Variants in PTPRD observed in about 807,000 individuals in gnomAD.
PTPRD encodes the protein protein tyrosine phosphatase receptor type D.
Under a neutral mutation model 214.5 loss-of-function variants are expected in PTPRD, and 34 were observed. That is an observed-to-expected ratio of 0.16 (90% CI 0.12 to 0.21). PTPRD has a LOEUF of 0.21. Ranked by LOEUF, PTPRD falls within the 10% of genes least tolerant of loss-of-function variation. The probability of loss-of-function intolerance (pLI) is 1.00; values close to 1 mark genes in which losing one functional copy is unlikely to be tolerated. For missense variants in PTPRD, 2,545 were observed against 2,398.7 expected (o/e 1.06, Z -1.27); for synonymous variants, 1,128 against 845.7 (o/e 1.33, Z -5.79).
chr9:10,037,849 T>C (rs1015059476), intron 3 of PTPRD, among the ~76,000 whole-genome samples: 1 of 152,140 alleles, frequency 6.6e-6, no homozygotes, highest in African/African-American at 2.4e-5. Context: ...GAAAGAAAAA[T>C]GAAACAAATG....
chr9:9,765,258 T>G (rs552573446), intron 6 of PTPRD, among the ~76,000 whole-genome samples: 1 of 152,324 alleles, frequency 6.6e-6, no homozygotes, highest in Admixed American at 6.5e-5. Flanking sequence ...TTCTTCCATA[T>G]GAGTAACACT....
intron 3 of PTPRD, among the ~76,000 whole-genome samples, chr9:10,247,267 C>T (rs1235668374): frequency 2.0e-5 from 3 of 152,112 alleles, no homozygotes; most frequent in Admixed American, 6.6e-5. Context: ...GACTTCATGA[C>T]ATTGCAACTT....
At chr9:9,332,546 A>T (rs2042716754) in intron 9 of PTPRD, among the ~76,000 whole-genome samples, 1 of 149,094 alleles carries the variant, frequency 6.7e-6, no homozygotes, top group African/African-American at 2.5e-5. Flanking sequence ...TATGTTGGAG[A>T]TGAAAACAAA....
At chr9:10,509,282 C>T (rs1387663366) in intron 2 of PTPRD, among the ~76,000 whole-genome samples, 1 of 151,668 alleles carries the variant, frequency 6.6e-6, no homozygotes, top group Admixed American at 6.6e-5. Flanking sequence ...TGAGGTTCCT[C>T]TGTGTAGTAA....
intron 9 of PTPRD, among the ~76,000 whole-genome samples, chr9:9,352,327 A>ATATGTGTG (rs1555280411): frequency 1.0e-4 from 7 of 68,382 alleles, no homozygotes; most frequent in African/African-American, 3.1e-4. Context: ...ATATATATAT[A>ATATGTGTG]TGTGTGTGTG....
chr9:8,658,712 CCTT>C (rs991401650), intron 12 of PTPRD, among the ~76,000 whole-genome samples: 1 of 150,860 alleles, frequency 6.6e-6, no homozygotes, highest in African/African-American at 2.4e-5. Flanking sequence ...CAGAAATTCT[CCTT>C]TTTTTGTCCT....
intron 2 of PTPRD, among the ~76,000 whole-genome samples, chr9:10,452,573 G>T (rs1035170509): frequency 1.3e-5 from 2 of 151,482 alleles, no homozygotes; most frequent in African/African-American, 4.8e-5. Context: ...GATTAGTGTT[G>T]TTCACCTCTC....
At chr9:9,618,600 G>C (rs1196215891) in intron 7 of PTPRD, among the ~76,000 whole-genome samples, 1 of 151,994 alleles carries the variant, frequency 6.6e-6, no homozygotes, top group Non-Finnish European at 1.5e-5. Context: ...AAACTGTACT[G>C]TTAAAGAGAG....
At chr9:10,347,409 C>G (rs974046190) in intron 2 of PTPRD, among the ~76,000 whole-genome samples, 1 of 127,934 alleles carries the variant, frequency 7.8e-6, no homozygotes, top group African/African-American at 3.0e-5. Context: ...AGCTATTTGT[C>G]TTTTTTTTTT....
chr9:8,582,121 G>A (rs924991383), intron 14 of PTPRD, among the ~76,000 whole-genome samples: 8 of 152,056 alleles, frequency 5.3e-5, no homozygotes, highest in East Asian at 1.9e-4. Context: ...AAAAAAGCTC[G>A]GACATAAGTA....
chr9:8,760,845 G>T (rs2094370344), intron 11 of PTPRD, among the ~76,000 whole-genome samples: 1 of 152,130 alleles, frequency 6.6e-6, no homozygotes, highest in South Asian at 2.1e-4. Flanking sequence ...AGTAAATTGA[G>T]GTAGGAAATT....
chr9:10,566,688 T>G (rs1015273408), intron 2 of PTPRD, among the ~76,000 whole-genome samples: 1 of 152,032 alleles, frequency 6.6e-6, no homozygotes, highest in African/African-American at 2.4e-5. Flanking sequence ...TTAGTTTTAA[T>G]GCAACTGAAG....
At chr9:9,214,719 C>G (rs971685975) in intron 9 of PTPRD, among the ~76,000 whole-genome samples, 6 of 152,108 alleles carry the variant, frequency 3.9e-5, no homozygotes, top group African/African-American at 7.2e-5. Flanking sequence ...TTCTTCAAAG[C>G]TTTTTGCAAA....
At chr9:8,378,980 C>T (rs1373574370) in intron 37 of PTPRD, among the ~76,000 whole-genome samples, 1 of 152,044 alleles carries the variant, frequency 6.6e-6, no homozygotes, top group Non-Finnish European at 1.5e-5. Context: ...TTGGCTTAGA[C>T]TCTGACCCCT....
intron 10 of PTPRD, among the ~76,000 whole-genome samples, chr9:9,024,551 G>T (rs1162350424): frequency 8.6e-5 from 13 of 151,484 alleles, no homozygotes; most frequent in African/African-American, 3.1e-4. Flanking sequence ...AAGCAAGATA[G>T]GAGAGTTCCA....
intron 11 of PTPRD, among the ~76,000 whole-genome samples, chr9:8,814,988 A>C (rs1443834214): frequency 6.6e-6 from 1 of 152,212 alleles, no homozygotes; most frequent in Non-Finnish European, 1.5e-5. Flanking sequence ...CTTCTTATTC[A>C]ATAAATGCTG....
chr9:9,256,683 TAA>T (rs1010345167), intron 9 of PTPRD, among the ~76,000 whole-genome samples: 11 of 151,996 alleles, frequency 7.2e-5, no homozygotes, highest in African/African-American at 2.7e-4. Flanking sequence ...CTTTCTATTA[TAA>T]GAGATAAATA....
chr9:10,300,531 C>A (rs1163550838), intron 3 of PTPRD, among the ~76,000 whole-genome samples: 1 of 152,186 alleles, frequency 6.6e-6, no homozygotes, highest in Non-Finnish European at 1.5e-5. Context: ...ATTCTCACTG[C>A]CAGCACAGAA....
chr9:9,737,997 T>C (rs1326103518), intron 6 of PTPRD, among the ~76,000 whole-genome samples: 1 of 152,044 alleles, frequency 6.6e-6, no homozygotes, highest in Non-Finnish European at 1.5e-5. Flanking sequence ...TATTTTCTAT[T>C]TTATTAAAAA....
Sources: gnomAD v4.1 joint callset for allele counts (sites outside exome capture counted in the v4.1 genomes callset) on GRCh38, gnomAD v4.1.1 for gene constraint, MANE v1.5 for transcripts, NCBI Gene and HGNC (gene_info 2026-07-23, HGNC 2026-07-21) for gene names.